LDAH: variants seen among roughly 807,000 people sequenced by gnomAD.
LDAH encodes the protein lipid droplet-associated hydrolase.
A neutral mutation model predicts 29.6 loss-of-function variants in LDAH; 26 were observed. The ratio of observed to expected loss-of-function variants is 0.88; its 90% CI spans 0.64 to 1.22. LDAH has a LOEUF of 1.22. LDAH is among the 50% of genes most tolerant of loss of function. The probability of loss-of-function intolerance (pLI) is 0.00; values close to 1 mark genes in which losing one functional copy is unlikely to be tolerated. For synonymous variants in LDAH, 117 were observed against 133.0 expected, an observed-to-expected ratio of 0.88 and a Z score of 0.83; for missense variants, 344 against 387.3, an observed-to-expected ratio of 0.89 and a Z score of 0.94.
At chr2:20,801,514 C>T (rs1671662601) in intron 1 of LDAH, 49 bp from the exon 2 acceptor site, 1 of 1,531,668 alleles carries the variant, frequency 6.5e-7, no homozygotes, top group Admixed American at 1.8e-5. Flanking sequence ...AATGTAAAAC[C>T]TTGAGCCAAA....
At chr2:20,808,426 G>A (rs1345691450) in intron 1 of LDAH, among the ~76,000 whole-genome samples, 2 of 152,088 alleles carry the variant, frequency 1.3e-5, no homozygotes, top group Admixed American at 6.5e-5. Flanking sequence ...CACTTTGGGA[G>A]GCCGAGGCGG....
At chr2:20,812,285 C>A (rs1161883937) in intron 1 of LDAH, among the ~76,000 whole-genome samples, 1 of 152,168 alleles carries the variant, frequency 6.6e-6, no homozygotes, top group Non-Finnish European at 1.5e-5. Flanking sequence ...TCAATGGGAA[C>A]CTTTTCCTCT....
At chr2:20,694,421 C>T (rs1663272340) in intron 6 of LDAH, among the ~76,000 whole-genome samples, 2 of 152,166 alleles carry the variant, frequency 1.3e-5, no homozygotes, top group Non-Finnish European at 2.9e-5. Context: ...GTTGGGGACA[C>T]AGGCAGCTGC....
At chr2:20,763,964 GAT>G (rs1668853860) in intron 4 of LDAH, among the ~76,000 whole-genome samples, 1 of 89,858 alleles carries the variant, frequency 1.1e-5, no homozygotes, top group Non-Finnish European at 2.5e-5. Flanking sequence ...GCCCAAAGGT[GAT>G]TTTTTTTTTT....
At chr2:20,770,130 T>G (rs992924186) in intron 4 of LDAH, among the ~76,000 whole-genome samples, 1 of 152,184 alleles carries the variant, frequency 6.6e-6, no homozygotes, top group African/African-American at 2.4e-5. Flanking sequence ...TCCTCTATAG[T>G]CAATATGCAT....
At chr2:20,694,322 G>T (rs1663263454) in intron 6 of LDAH, among the ~76,000 whole-genome samples, 1 of 152,166 alleles carries the variant, frequency 6.6e-6, no homozygotes, top group Non-Finnish European at 1.5e-5. Flanking sequence ...CAGAGTCAAA[G>T]ACATGTAAGC....
At chr2:20,707,300 C>T (rs1287952080) in intron 5 of LDAH, among the ~76,000 whole-genome samples, 1 of 152,206 alleles carries the variant, frequency 6.6e-6, no homozygotes. Context: ...ATGGGGACCA[C>T]AATGAAGGCT....
intron 4 of LDAH, among the ~76,000 whole-genome samples, chr2:20,742,948 A>T (rs589842): frequency 0.35 from 52,799 of 151,340 alleles, 10,531 homozygotes; most frequent in South Asian, 0.64. Flanking sequence ...TTTTGTAGAG[A>T]TGGTCTGTCT....
intron 3 of LDAH, chr2:20,789,479 G>A: frequency 7.7e-7 from 1 of 1,306,662 alleles, no homozygotes; most frequent in Non-Finnish European, 1.0e-6. Context: ...TGCTATAGCA[G>A]CCCAAACTGA....
Position 20,807,942 on chromosome 2 carries a change from A to G in LDAH, c.-2-6477T>C, listed in dbSNP as rs558218359. Among the ~76,000 whole-genome samples the G allele has an allele frequency of 9.1e-3, 1,381 of 151,912 alleles. 28 individuals are homozygous for G. The highest frequency in any genetic ancestry group is 0.032 in the African/African-American group (1,320 of 41,536). On this transcript the variant is annotated intron_variant, in intron 1 of 6. Transcript: ENST00000237822. The stretch of plus-strand genomic sequence containing the variant: ...TGACATACATAGAAAATGCAAAAAA[A>G]AAAAAACCCTTACATATATTATTTG...
Position 20,785,120 on chromosome 2 carries a change from C to T in LDAH, c.298+5135G>A, listed in dbSNP as rs559860913. ...ATCAATTTGGAACAAGAAAAATAAA[C>T]TTTTTAAACCTTTATTCCTTCTCCG... is the stretch of plus-strand genomic sequence containing the variant. On this transcript the variant is annotated intron_variant, in intron 3 of 6. Coordinates refer to ENST00000237822, the MANE Select transcript of LDAH (RefSeq NM_021925.4). Among the ~76,000 whole-genome samples the T allele has an allele frequency of 1.1e-3, 164 of 152,206 alleles. 1 individual carries two copies. Among genetic ancestry groups the T allele is most frequent in the Middle Eastern group, 6.8e-3 (2 of 294 alleles).
At chr2:20,746,236 A>G (rs1667560725) in intron 4 of LDAH, among the ~76,000 whole-genome samples, 2 of 152,238 alleles carry the variant, frequency 1.3e-5, no homozygotes, top group African/African-American at 4.8e-5. Flanking sequence ...CTTCAGATTG[A>G]TCAAATCAGC....
At chr2:20,694,479 G>C (rs1198540968) in intron 6 of LDAH, among the ~76,000 whole-genome samples, 1 of 152,118 alleles carries the variant, frequency 6.6e-6, no homozygotes, top group Non-Finnish European at 1.5e-5. Context: ...TGTTTTTAGG[G>C]ACTTGCAGAA....
intron 4 of LDAH, among the ~76,000 whole-genome samples, chr2:20,748,976 C>T (rs1362548527): frequency 2.0e-5 from 3 of 152,142 alleles, no homozygotes; most frequent in Non-Finnish European, 2.9e-5. Context: ...TATTTAAAAG[C>T]GCAGGCCTAG....
intron 3 of LDAH, among the ~76,000 whole-genome samples, chr2:20,783,804 C>T (rs577883718): frequency 2.0e-5 from 3 of 152,272 alleles, no homozygotes; most frequent in South Asian, 4.1e-4. Context: ...CTCAACCTCC[C>T]GAGTTCAAGT....
At chr2:20,819,019 C>T (rs1451255393) in intron 1 of LDAH, among the ~76,000 whole-genome samples, 1 of 152,110 alleles carries the variant, frequency 6.6e-6, no homozygotes, top group African/African-American at 2.4e-5. Flanking sequence ...TTTCTTAAAT[C>T]TGTGCAAGTG....
At chr2:20,696,825 A>G (rs1007271700) in intron 6 of LDAH, among the ~76,000 whole-genome samples, 3 of 152,122 alleles carry the variant, frequency 2.0e-5, no homozygotes, top group Non-Finnish European at 4.4e-5. Flanking sequence ...GAAAACGCAC[A>G]GTTGATTCTC....
intron 1 of LDAH, among the ~76,000 whole-genome samples, chr2:20,820,144 G>A (rs892548905): frequency 1.3e-5 from 2 of 152,036 alleles, no homozygotes; most frequent in African/African-American, 4.8e-5. Context: ...AACATTCCAT[G>A]CTCATGGATA....
At chr2:20,746,464 T>C (rs1667575093) in intron 4 of LDAH, among the ~76,000 whole-genome samples, 1 of 152,210 alleles carries the variant, frequency 6.6e-6, no homozygotes, top group African/African-American at 2.4e-5. Context: ...GTACATTGAA[T>C]GCGTCACTGC....
Sources: allele counts gnomAD v4.1 joint callset (sites outside exome capture counted in the v4.1 genomes callset), GRCh38; gene constraint gnomAD v4.1.1; transcripts MANE v1.5; gene names NCBI Gene and HGNC (gene_info 2026-07-23, HGNC 2026-07-21).